Variants in ZMIZ1 observed in about 807,000 individuals in gnomAD.
ZMIZ1 encodes the protein zinc finger MIZ-type containing 1.
ZMIZ1 carries 17 observed loss-of-function variants against 113.9 expected under a neutral mutation model. The observed-to-expected ratio is 0.15, with a 90% confidence interval of 0.10 to 0.22. The LOEUF (loss-of-function observed/expected upper bound fraction) is 0.22, where lower values mean the gene tolerates loss of function less well. Among genes scored for constraint, ZMIZ1 ranks in the 10% least tolerant of loss-of-function variants. ZMIZ1 has a pLI of 1.00. For synonymous variants in ZMIZ1, 607 were observed against 603.1 expected (o/e 1.01, Z -0.09); for missense variants, 1,059 against 1,477.8 (o/e 0.72, Z 4.65).
rs773152383 is a variant in ZMIZ1 at position 79,118,381 on chromosome 10, A to G, written c.-336-534A>G. Among the ~76,000 whole-genome samples the G allele has an allele frequency of 2.4e-4, 37 of 152,232 alleles. No homozygotes were observed. Among genetic ancestry groups the G allele is most frequent in the Non-Finnish European group, 2.6e-4 (18 of 68,040 alleles). On this transcript the variant is annotated intron_variant, in intron 1 of 24. Transcript: ENST00000334512. The surrounding 1 kb of genome is among the most constrained non-coding windows in gnomAD (Gnocchi z 4.1). ...AAACTAGACTTCACTCCCAATGTCC[A>G]GGAGCTGGGCCTGGAGCGGGAGAGT...
chr10:79,273,832 G>A (rs1033253919), intron 7 of ZMIZ1, among the ~76,000 whole-genome samples: 6 of 152,370 alleles, frequency 3.9e-5, no homozygotes, highest in Admixed American at 3.9e-4. Context: ...TGGGTCTAAT[G>A]GCATTCATTG....
chr10:79,168,511 C>T (rs1263083967), intron 4 of ZMIZ1, among the ~76,000 whole-genome samples: 1 of 152,202 alleles, frequency 6.6e-6, no homozygotes, highest in Admixed American at 6.5e-5. Flanking sequence ...CTGGCCAGTT[C>T]TGTGTTGAAG....
chr10:79,132,661 C>G (rs1844820717), intron 2 of ZMIZ1, among the ~76,000 whole-genome samples: 1 of 152,222 alleles, frequency 6.6e-6, no homozygotes, highest in South Asian at 2.1e-4. Flanking sequence ...AATGGCTCTT[C>G]AAGGTCACAG....
At chr10:79,295,613 A>G (rs558453068) in intron 12 of ZMIZ1, 1 of 152,228 alleles carries the variant, frequency 6.6e-6, no homozygotes, top group South Asian at 2.1e-4. Flanking sequence ...AGCAGCCACC[A>G]TGTTGCAACA....
intron 1 of ZMIZ1, among the ~76,000 whole-genome samples, chr10:79,085,412 C>T (rs1051419424): frequency 2.4e-4 from 36 of 152,224 alleles, no homozygotes; most frequent in African/African-American, 8.7e-4. Flanking sequence ...TTGCACATGC[C>T]ATTGGGCAGA....
At chr10:79,261,812 A>G (rs1368689578) in intron 7 of ZMIZ1, among the ~76,000 whole-genome samples, 3 of 152,180 alleles carry the variant, frequency 2.0e-5, no homozygotes, top group African/African-American at 4.8e-5. Context: ...ACCTTGTTAC[A>G]CCTTTAGAGC....
rs552076746 is a variant in ZMIZ1 at position 79,141,303 on chromosome 10, G to A, written c.-131+1526G>A. Among the ~76,000 whole-genome samples the A allele has an allele frequency of 2.5e-3, 387 of 152,308 alleles. 1 individual carries two copies. The highest frequency in any genetic ancestry group is 4.7e-3 in the Non-Finnish European group (323 of 68,036). On this transcript the variant is annotated intron_variant, in intron 3 of 24. Transcript: ENST00000334512. ...AGCAGACAAAACTCCCTGCCCTTAC[G>A]GCGCTTGTACTCTCGTGAGGAGGCA...
At chr10:79,196,175 T>G (rs1446099792) in intron 4 of ZMIZ1, among the ~76,000 whole-genome samples, 1 of 152,196 alleles carries the variant, frequency 6.6e-6, no homozygotes, top group Non-Finnish European at 1.5e-5. Context: ...AAATGTCACC[T>G]CACCTGTAGG....
intron 7 of ZMIZ1, among the ~76,000 whole-genome samples, chr10:79,232,468 G>A (rs1043093529): frequency 3.3e-5 from 5 of 152,072 alleles, no homozygotes; most frequent in Admixed American, 6.5e-5. Flanking sequence ...TTACATTATC[G>A]TTACTGTTCC....
Position 79,316,431 on chromosome 10 carries a change from A to G in ZMIZ1, c.*3682A>G, listed in dbSNP as rs892780831. ...TATTTAAAGATCAAATTATTTGACT[A>G]TTGCTAGACATTTCTATACTCTGTT... On this transcript the variant is annotated 3_prime_UTR_variant, in exon 25 of 25. Transcript: ENST00000334512. The G allele has an allele frequency of 3.9e-5, 6 of 152,900 alleles. No individual in the cohort carries two copies. The South Asian group carries it at 6.2e-4, about 16-fold the overall frequency. The allele number at this position is 152,900 out of a possible 1,614,324, so 9.5% of individuals were successfully genotyped here.
At chr10:79,138,452 T>C (rs1159850297) in intron 2 of ZMIZ1, among the ~76,000 whole-genome samples, 1 of 152,224 alleles carries the variant, frequency 6.6e-6, no homozygotes, top group Non-Finnish European at 1.5e-5. Context: ...GGGCTGGCCC[T>C]CCTTTGGGAC....
chr10:79,116,084 A>G (rs1844011056), intron 1 of ZMIZ1, among the ~76,000 whole-genome samples: 1 of 152,092 alleles, frequency 6.6e-6, no homozygotes, highest in African/African-American at 2.4e-5. Flanking sequence ...TGGGGAGTAT[A>G]ATCCCCCCGT....
chr10:79,071,038 CCT>C (rs1667831521), intron 1 of ZMIZ1, among the ~76,000 whole-genome samples: 1 of 152,208 alleles, frequency 6.6e-6, no homozygotes, highest in Non-Finnish European at 1.5e-5. Flanking sequence ...GCCTTTCCCT[CCT>C]CTCTGCTCTG....
In ZMIZ1 at chr10:79,298,497, C is replaced by G; in HGVS notation, c.1583C>G (p.Pro528Arg). The G allele has an allele frequency of 6.2e-7, 1 of 1,606,160 alleles. No homozygotes were observed. Among genetic ancestry groups the G allele is most frequent in the Non-Finnish European group, 8.5e-7 (1 of 1,176,580 alleles). The change falls in exon 15 of 25, where the codon CCA becomes CGA. Residue 528 changes from proline to arginine, a missense_variant. Pro to Arg is a moderately radical substitution (Grantham distance 103, BLOSUM62 -2). Transcript: ENST00000334512. Reference protein sequence around the residue: ...PPMTPGSSIPPYLSPSQDVKP... With the variant: ...PPMTPGSSIPRYLSPSQDVKP... ...ATGACCCCTGGGAGCAGCATCCCTC[C>G]ATACCTGTCCCCCAGCCAAGACGTC...
chr10:79,255,422 G>A (rs527750833), intron 7 of ZMIZ1, among the ~76,000 whole-genome samples: 1 of 152,246 alleles, frequency 6.6e-6, no homozygotes, highest in South Asian at 2.1e-4. Flanking sequence ...GTATGAGTAG[G>A]TAAGGGGGTT....
chr10:79,162,561 C>T (rs1015112403), intron 4 of ZMIZ1, among the ~76,000 whole-genome samples: 13 of 152,190 alleles, frequency 8.5e-5, no homozygotes, highest in African/African-American at 2.9e-4. Context: ...ACAAACATGC[C>T]GAGATGGATA....
At chr10:79,103,090 T>C (rs1843424692) in intron 1 of ZMIZ1, among the ~76,000 whole-genome samples, 1 of 151,350 alleles carries the variant, frequency 6.6e-6, no homozygotes, top group African/African-American at 2.4e-5. Context: ...GGCATGTATT[T>C]TAGATGAGGG....
At chr10:79,246,394 C>T (rs1850199222) in intron 7 of ZMIZ1, among the ~76,000 whole-genome samples, 1 of 152,208 alleles carries the variant, frequency 6.6e-6, no homozygotes, top group African/African-American at 2.4e-5. Context: ...TCTGTGCTGG[C>T]AGAGCTGGAA....
chr10:79,123,552 A>G (rs1263906569), intron 2 of ZMIZ1, among the ~76,000 whole-genome samples: 1 of 152,168 alleles, frequency 6.6e-6, no homozygotes, highest in African/African-American at 2.4e-5. Flanking sequence ...GGTTTCCTCC[A>G]CTGAGCAGCA....
Sources: allele counts gnomAD v4.1 joint callset (sites outside exome capture counted in the v4.1 genomes callset), GRCh38; gene constraint gnomAD v4.1.1; non-coding constraint Gnocchi (gnomAD v3.1); transcripts MANE v1.5; gene names NCBI Gene and HGNC (gene_info 2026-07-23, HGNC 2026-07-21).